The following EML4 variants were observed in gnomAD, a reference collection of about 807,000 sequenced individuals.
The protein encoded by EML4 is EMAP like 4.
A neutral mutation model predicts 129.0 loss-of-function variants in EML4; 72 were observed. That is an observed-to-expected ratio of 0.56 (90% CI 0.46 to 0.68). The LOEUF (loss-of-function observed/expected upper bound fraction) is 0.68, where lower values mean the gene tolerates loss of function less well. Among genes scored for constraint, EML4 ranks in the 30% least tolerant of loss-of-function variants. The pLI is 0.00. For synonymous variants in EML4, 532 were observed against 405.0 expected (o/e 1.31, Z -3.77); for missense variants, 1,363 against 1,190.6 (o/e 1.14, Z -2.13).
Position 42,282,978 on chromosome 2 carries a change from T to C in EML4, c.941+6T>C, listed in dbSNP as rs1486145489. On this transcript the variant is annotated splice_donor_region_variant and intron_variant, in intron 8 of 22. Transcript: ENST00000318522. ...CATACAGACTGTGTGAAATGGTTGGTATCATTTAACATTGGTTCATTTTTG... is the reference window on the plus strand; with the variant it reads ...CATACAGACTGTGTGAAATGGTTGGCATCATTTAACATTGGTTCATTTTTG... The C allele has an allele frequency of 6.3e-7, 1 of 1,599,210 alleles. No homozygotes were observed.
At chr2:42,195,600 C>G (rs907547156) in intron 1 of EML4, among the ~76,000 whole-genome samples, 1 of 152,094 alleles carries the variant, frequency 6.6e-6, no homozygotes, top group African/African-American at 2.4e-5. Context: ...TCCATAAACC[C>G]AATCATTGGC....
chr2:42,245,091 T>TTCC lies in EML4; in HGVS notation c.26-413_26-412insCCT, dbSNP rs1165305549. The stretch of plus-strand genomic sequence containing the variant: ...TGGAGTTTTTTGTTTTGAAATTTTC[T>TTCC]TTCTTTTTTTTTTTTTTTTTTGAGA... On this transcript the variant is annotated intron_variant, in intron 1 of 22. Transcript: ENST00000318522. Among the ~76,000 whole-genome samples, 70 of 79,482 alleles carry TTCC rather than the reference T, an allele frequency of 8.8e-4. 3 individuals carry two copies. The highest frequency in any genetic ancestry group is 3.5e-3 in the African/African-American group (69 of 19,954). The allele number at this position is 79,482 out of a possible 152,430, so 52.1% of individuals were successfully genotyped here. A position where few individuals can be genotyped will look rare whatever the true frequency, so the allele number is the denominator to read the frequency against.
At chr2:42,259,388 A>G (rs1453410033) in intron 3 of EML4, among the ~76,000 whole-genome samples, 2 of 152,156 alleles carry the variant, frequency 1.3e-5, no homozygotes, top group Admixed American at 6.5e-5. Context: ...AAGTATGCTT[A>G]TCCAGTCTGG....
chr2:42,241,572 T>A (rs1425710116), intron 1 of EML4, among the ~76,000 whole-genome samples: 2 of 152,230 alleles, frequency 1.3e-5, no homozygotes, highest in Non-Finnish European at 2.9e-5. Flanking sequence ...TTTACTCTTA[T>A]CCTGTTCCAA....
chr2:42,240,576 C>T (rs1007179192), intron 1 of EML4, among the ~76,000 whole-genome samples: 6 of 152,182 alleles, frequency 3.9e-5, no homozygotes, highest in African/African-American at 9.7e-5. Context: ...AGCTTATGCT[C>T]CTACTCTGTT....
intron 6 of EML4, among the ~76,000 whole-genome samples, chr2:42,274,908 C>G (rs1558564381): frequency 6.6e-6 from 1 of 152,188 alleles, no homozygotes; most frequent in Non-Finnish European, 1.5e-5. Context: ...CTAACAATCA[C>G]TCTTTCCAAA....
At position 42,245,094 on chromosome 2, in the gene EML4, C is replaced by CTTTTTTTTTTTTTTTTT. The variant is rs56808218; in HGVS notation, c.26-409_26-393dup. 2.3e-3 allele frequency among the ~76,000 whole-genome samples: 151 copies of CTTTTTTTTTTTTTTTTT among 66,528 alleles called. 28 individuals carry two copies. The highest frequency in any genetic ancestry group is 6.0e-3 in the East Asian group (14 of 2,324). The allele number at this position is 66,528 out of a possible 152,430, so 43.6% of individuals were successfully genotyped here. ...AGTTTTTTGTTTTGAAATTTTCTTT[C>CTTTTTTTTTTTTTTTTT]TTTTTTTTTTTTTTTTTTGAGACAG... On this transcript the variant is annotated intron_variant, in intron 1 of 22. Coordinates refer to ENST00000318522, the MANE Select transcript of EML4 (RefSeq NM_019063.5).
chr2:42,317,095 A>T lies in EML4; in HGVS notation c.2057-332A>T, dbSNP rs558315322. ...TGTTCTGTAATTGGACAGATCATAT[A>T]TGCTAGATGAACTAAGCCCCTGTCC... On this transcript the variant is annotated intron_variant, in intron 18 of 22. Coordinates refer to ENST00000318522, the MANE Select transcript of EML4 (RefSeq NM_019063.5). Among the ~76,000 whole-genome samples, 163 of 152,304 alleles carry T rather than the reference A, an allele frequency of 1.1e-3. 1 individual carries two copies. The highest frequency in any genetic ancestry group is 3.5e-3 in the African/African-American group (144 of 41,558).
At chr2:42,227,852 TAATC>T (rs1161813898) in intron 1 of EML4, among the ~76,000 whole-genome samples, 1 of 152,244 alleles carries the variant, frequency 6.6e-6, no homozygotes, top group East Asian at 1.9e-4. Flanking sequence ...AAATATGTGT[TAATC>T]AACTGTTTGT....
intron 17 of EML4, among the ~76,000 whole-genome samples, chr2:42,309,293 C>T (rs1248948188): frequency 1.3e-5 from 2 of 151,642 alleles, no homozygotes; most frequent in East Asian, 1.9e-4. Flanking sequence ...CCTGTGGTCC[C>T]AGCTACTCAG....
chr2:42,176,986 T>A (rs1268574440), intron 1 of EML4, among the ~76,000 whole-genome samples: 1 of 151,954 alleles, frequency 6.6e-6, no homozygotes, highest in Non-Finnish European at 1.5e-5. Context: ...TAGAGACGGG[T>A]TTCACCATGT....
In EML4 at chr2:42,280,933, A is replaced by G. The variant is rs1375181463; in HGVS notation, c.751A>G (p.Arg251Gly). ...CGATGTTGACAACTATGATGACATC[A>G]GAACGGAACTGCCTCCTGAGAAGCT... ...PSDVDNYDDI[R>G]TELPPEKLKL... is the part of the protein sequence containing the mutation. Residue 251 changes from arginine to glycine, a missense_variant, in exon 7 of 23, where the codon AGA becomes GGA. Transcript: ENST00000318522. The G allele has an allele frequency of 5.0e-6, 8 of 1,611,792 alleles. No individual in the cohort carries two copies. The highest frequency in any genetic ancestry group is 5.9e-6 in the Non-Finnish European group (7 of 1,178,758).
intron 2 of EML4, among the ~76,000 whole-genome samples, chr2:42,248,393 A>G (rs911949063): frequency 6.6e-6 from 1 of 152,230 alleles, no homozygotes; most frequent in African/African-American, 2.4e-5. Context: ...TTCCCAGCAT[A>G]TACACAGTAT....
At chr2:42,279,011 T>TA (rs1282370999) in intron 6 of EML4, among the ~76,000 whole-genome samples, 5 of 152,346 alleles carry the variant, frequency 3.3e-5, no homozygotes, top group Admixed American at 6.5e-5. Context: ...TCGCAGATCT[T>TA]ATAAACACCT....
At chr2:42,314,743 G>A (rs1471065054) in intron 17 of EML4, among the ~76,000 whole-genome samples, 2 of 152,184 alleles carry the variant, frequency 1.3e-5, no homozygotes, top group Non-Finnish European at 2.9e-5. Context: ...AACCAGCTGT[G>A]CATGCTGCCA....
chr2:42,209,775 C>A (rs1205602480), intron 1 of EML4, among the ~76,000 whole-genome samples: 1 of 152,122 alleles, frequency 6.6e-6, no homozygotes, highest in Non-Finnish European at 1.5e-5. Context: ...ATTAAAAATA[C>A]AAAATTAGCT....
chr2:42,321,455 A>G (rs1425396274), intron 19 of EML4, among the ~76,000 whole-genome samples: 10 of 152,112 alleles, frequency 6.6e-5, no homozygotes, highest in Non-Finnish European at 2.9e-5. Context: ...AGAGGCCATC[A>G]AGAACTCGGA....
intron 2 of EML4, among the ~76,000 whole-genome samples, chr2:42,254,569 G>A (rs1433690030): frequency 6.7e-6 from 1 of 149,308 alleles, no homozygotes; most frequent in Non-Finnish European, 1.5e-5. Context: ...AAAAACAATA[G>A]AATCAGTGAA....
At chr2:42,239,186 TG>T (rs2104259174) in intron 1 of EML4, among the ~76,000 whole-genome samples, 1 of 152,318 alleles carries the variant, frequency 6.6e-6, no homozygotes, top group Non-Finnish European at 1.5e-5. Context: ...TATGATGGTG[TG>T]CCCCCACTAA....
Sources: allele counts gnomAD v4.1 joint callset (sites outside exome capture counted in the v4.1 genomes callset), GRCh38; gene constraint gnomAD v4.1.1; transcripts MANE v1.5; gene names NCBI Gene and HGNC (gene_info 2026-07-23, HGNC 2026-07-21).